DEUP1: variants seen among roughly 807,000 people sequenced by gnomAD.
DEUP1 encodes the protein deuterosome assembly protein 1, also known as coiled-coil domain containing 67.
In DEUP1, 82 loss-of-function variants were observed where a neutral mutation model predicts 87.4. The observed-to-expected ratio is 0.94, with a 90% CI of 0.78 to 1.13. The LOEUF (loss-of-function observed/expected upper bound fraction) is 1.13, where lower values mean the gene tolerates loss of function less well. DEUP1 is among the 50% of genes most tolerant of loss of function. DEUP1 has a pLI of 0.00. For synonymous variants in DEUP1, 214 were observed against 222.7 expected (o/e 0.96, Z 0.35); for missense variants, 663 against 681.5 (o/e 0.97, Z 0.30).
At chr11:93,366,752 T>C (rs1188372696) in intron 5 of DEUP1, among the ~76,000 whole-genome samples, 1 of 152,236 alleles carries the variant, frequency 6.6e-6, no homozygotes, top group East Asian at 1.9e-4. Context: ...TTAATGCTTC[T>C]GCCTCTAAAA....
chr11:93,390,567 AAAAG>A (rs1365105810), intron 9 of DEUP1, among the ~76,000 whole-genome samples: 1 of 152,200 alleles, frequency 6.6e-6, no homozygotes, highest in Non-Finnish European at 1.5e-5. Context: ...AGTGAATGAT[AAAAG>A]ATTGGTTAAA....
At chr11:93,355,767 C>T (rs1944865991) in intron 3 of DEUP1, among the ~76,000 whole-genome samples, 1 of 152,056 alleles carries the variant, frequency 6.6e-6, no homozygotes, top group African/African-American at 2.4e-5. Context: ...TACATAGTGT[C>T]AATGCCATCT....
intron 2 of DEUP1, among the ~76,000 whole-genome samples, chr11:93,350,982 A>AT (rs1465688337): frequency 6.7e-6 from 1 of 148,450 alleles, no homozygotes; most frequent in African/African-American, 2.4e-5. Context: ...ATAATTATAT[A>AT]TTTTTATATG....
At chr11:93,358,758 T>A (rs1160253302) in intron 4 of DEUP1, among the ~76,000 whole-genome samples, 9 of 152,160 alleles carry the variant, frequency 5.9e-5, no homozygotes, top group Non-Finnish European at 1.3e-4. Flanking sequence ...AATTTGTATA[T>A]TTTTAATAGA....
At chr11:93,383,460 G>A (rs942892744) in intron 7 of DEUP1, 1 of 503,222 alleles carries the variant, frequency 2.0e-6, no homozygotes, top group African/African-American at 2.0e-5. Flanking sequence ...CTAGGAGCTG[G>A]AGGAAGGGGA....
intron 13 of DEUP1, among the ~76,000 whole-genome samples, chr11:93,432,445 C>T (rs1245505250): frequency 6.6e-6 from 1 of 152,176 alleles, no homozygotes; most frequent in Non-Finnish European, 1.5e-5. Context: ...GCAATAGAAT[C>T]GCCTTGCAGT....
intron 2 of DEUP1, among the ~76,000 whole-genome samples, chr11:93,347,317 A>T (rs978512773): frequency 6.6e-6 from 1 of 152,146 alleles, no homozygotes; most frequent in Non-Finnish European, 1.5e-5. Flanking sequence ...GGTGAATCAC[A>T]TTTATTGACT....
At chr11:93,402,797 CAT>C (rs1185196453) in intron 11 of DEUP1, among the ~76,000 whole-genome samples, 1 of 151,900 alleles carries the variant, frequency 6.6e-6, no homozygotes, top group Non-Finnish European at 1.5e-5. Context: ...TGTTCTCACT[CAT>C]ATGTGGGAGC....
Position 93,389,087 on chromosome 11 carries a change from A to G in DEUP1, c.1003A>G (p.Met335Val). The G allele has an allele frequency of 6.2e-7, 1 of 1,602,430 alleles. No individual in the cohort carries two copies. Among genetic ancestry groups the G allele is most frequent in the Non-Finnish European group, 8.5e-7 (1 of 1,174,400 alleles). Residue 335 changes from methionine to valine, a missense_variant, in exon 9 of 14, where the codon ATG (methionine) becomes GTG (valine). By Grantham distance (21) the Met-to-Val change is conservative. Transcript: ENST00000298050. ...GAAAATAAAAGAGCTGTTTTCAGTGATGCAAGATCAACCAAATCATGAAAA... is the reference window on the plus strand; with the variant it reads ...GAAAATAAAAGAGCTGTTTTCAGTGGTGCAAGATCAACCAAATCATGAAAA... ...ERKIKELFSV[M>V]QDQPNHEKEL...
At chr11:93,349,780 GAAAT>G (rs1435867262) in intron 2 of DEUP1, among the ~76,000 whole-genome samples, 1 of 151,956 alleles carries the variant, frequency 6.6e-6, no homozygotes, top group Non-Finnish European at 1.5e-5. Context: ...AATATTTGTG[GAAAT>G]AAATAAAGAC....
chr11:93,378,693 T>C (rs1946153122), intron 7 of DEUP1, among the ~76,000 whole-genome samples: 1 of 152,080 alleles, frequency 6.6e-6, no homozygotes, highest in Admixed American at 6.5e-5. Context: ...TTCCTTCTTA[T>C]TTGGGTAGAC....
intron 13 of DEUP1, among the ~76,000 whole-genome samples, chr11:93,418,663 C>T (rs1378358684): frequency 6.6e-6 from 1 of 151,796 alleles, no homozygotes; most frequent in Non-Finnish European, 1.5e-5. Context: ...ACCATTTGAC[C>T]CAGCCATCCC....
intron 2 of DEUP1, among the ~76,000 whole-genome samples, chr11:93,351,450 T>TAG (rs1944624438): frequency 6.6e-6 from 1 of 152,208 alleles, no homozygotes; most frequent in South Asian, 2.1e-4. Context: ...CAGACTGATA[T>TAG]AGTTATTTTT....
chr11:93,419,079 G>A (rs1213144439), intron 13 of DEUP1, among the ~76,000 whole-genome samples: 1 of 151,696 alleles, frequency 6.6e-6, no homozygotes, highest in African/African-American at 2.4e-5. Context: ...TATACCTAAT[G>A]CTAGATGACG....
chr11:93,358,926 CAG>C (rs1945028398), intron 4 of DEUP1, among the ~76,000 whole-genome samples: 1 of 152,044 alleles, frequency 6.6e-6, no homozygotes, highest in Admixed American at 6.5e-5. Flanking sequence ...CCACTGTAAA[CAG>C]GGGTTTCGTG....
intron 13 of DEUP1, among the ~76,000 whole-genome samples, chr11:93,434,118 A>G (rs1181624330): frequency 6.6e-6 from 1 of 152,164 alleles, no homozygotes; most frequent in Non-Finnish European, 1.5e-5. Flanking sequence ...ACCATGGTCA[A>G]CCTGTTGCAC....
chr11:93,418,626 A>G (rs1312375227), intron 13 of DEUP1, among the ~76,000 whole-genome samples: 1 of 151,906 alleles, frequency 6.6e-6, no homozygotes, highest in African/African-American at 2.4e-5. Context: ...CAGTGTGGCG[A>G]TTCCTCAGGG....
chr11:93,385,412 T>A lies in DEUP1; in HGVS notation c.804T>A (p.Gly268=). The A allele has an allele frequency of 6.2e-7, 1 of 1,613,006 alleles. No individual in the cohort carries two copies. The highest frequency in any genetic ancestry group is 1.3e-5 in the African/African-American group (1 of 74,980). ...TTTTTATTCAGGCCATGGAAGCAGG[T>A]CTCTCAGAGGTAAAAAGTGAGTTAC... ...YQRQCQAMEA[G]LSEVKSELQS... is the part of the protein sequence containing the mutation. Residue 268 remains glycine (G), a synonymous_variant, in exon 8 of 14, where the codon GGT becomes GGA. Transcript: ENST00000298050.
intron 4 of DEUP1, 43 bp downstream of exon 4, chr11:93,357,086 AT>A (rs767887450): frequency 2.8e-3 from 3,308 of 1,167,702 alleles, no homozygotes; most frequent in Middle Eastern, 4.8e-3. Context: ...ATTTTGATAT[AT>A]TTTTTTTTAC....
Sources: gnomAD v4.1 joint callset for allele counts (sites outside exome capture counted in the v4.1 genomes callset) on GRCh38, gnomAD v4.1.1 for gene constraint, MANE v1.5 for transcripts, NCBI Gene and HGNC (gene_info 2026-07-23, HGNC 2026-07-21) for gene names.